MACC1: variants seen among roughly 807,000 people sequenced by gnomAD.
The protein encoded by MACC1 is metastasis-associated in colon cancer protein 1.
MACC1 carries 79 observed loss-of-function variants against 70.7 expected under a neutral mutation model. The ratio of observed to expected loss-of-function variants is 1.12; its 90% confidence interval spans 0.93 to 1.35. The LOEUF is 1.35. MACC1 is among the 40% of genes most tolerant of loss of function. The pLI is 0.00. For synonymous variants in MACC1, 361 were observed against 347.2 expected (o/e 1.04, Z -0.44); for missense variants, 1,106 against 978.1 (o/e 1.13, Z -1.74).
At chr7:20,174,286 C>G (rs941606374) in intron 1 of MACC1, among the ~76,000 whole-genome samples, 6 of 152,120 alleles carry the variant, frequency 3.9e-5, no homozygotes, top group African/African-American at 1.4e-4. Flanking sequence ...CCCCAATCAG[C>G]ATCTGGCAAA....
At position 20,140,736 on chromosome 7, in the gene MACC1, G is replaced by GA. The variant is rs138359838; in HGVS notation, c.*209dup. On this transcript the variant is annotated 3_prime_UTR_variant, in exon 7 of 7. Transcript: ENST00000400331. ...ATCAGTTAGGCTGTGCTTTCATCAG[G>GA]AAAAAAAAACTGGTTTTGAGCATGA... is the stretch of plus-strand genomic sequence containing the variant. 1,053 of 402,816 alleles carry GA rather than the reference G, an allele frequency of 2.6e-3. No homozygotes were observed. Among genetic ancestry groups the GA allele is most frequent in the South Asian group, 3.3e-3 (38 of 11,496 alleles). The allele number at this position is 402,816 out of a possible 1,614,324, so 25.0% of individuals were successfully genotyped here.
chr7:20,191,001 C>A (rs1268100282), intron 1 of MACC1, among the ~76,000 whole-genome samples: 2 of 152,180 alleles, frequency 1.3e-5, no homozygotes, highest in African/African-American at 4.8e-5. Flanking sequence ...CTGATATAAT[C>A]ACCATTCTGT....
intron 2 of MACC1, among the ~76,000 whole-genome samples, chr7:20,166,895 T>A (rs1782228557): frequency 6.6e-6 from 1 of 152,146 alleles, no homozygotes; most frequent in Non-Finnish European, 1.5e-5. Context: ...TGAGACTAAA[T>A]CAGGGATATA....
rs1273426546 is a variant in MACC1, at chr7:20,158,207, AATAAGTTC to A, written c.2146_2153del (p.Glu716CysfsTer37). On this transcript the variant is annotated frameshift_variant, in exon 5 of 7. Transcript: ENST00000400331. LOFTEE classifies it high-confidence loss of function. Reference sequence around the variant, plus strand: ...ACCATGATCAAGCAATACTCACCACAATAAGTTCATACAGAAACTTCCTTGTATTTCTC... The same window carrying A: ...ACCATGATCAAGCAATACTCACCACAATACAGAAACTTCCTTGTATTTCTC... 4 of 1,567,162 alleles carry A rather than the reference AATAAGTTC, an allele frequency of 2.6e-6. No homozygotes were observed. In the Admixed American group the frequency reaches 7.8e-5, roughly 31 times the overall value.
At chr7:20,178,159 TTA>T (rs1282686220) in intron 1 of MACC1, among the ~76,000 whole-genome samples, 2 of 152,128 alleles carry the variant, frequency 1.3e-5, no homozygotes, top group South Asian at 2.1e-4. Flanking sequence ...TAAATTTATT[TTA>T]TGTTTCTTAC....
intron 1 of MACC1, among the ~76,000 whole-genome samples, chr7:20,173,484 T>C (rs1782344082): frequency 6.6e-6 from 1 of 152,208 alleles, no homozygotes; most frequent in Non-Finnish European, 1.5e-5. Flanking sequence ...GGTCAATATC[T>C]TTGTCTTTTC....
chr7:20,172,171 T>A (rs1782318059), intron 1 of MACC1, among the ~76,000 whole-genome samples: 1 of 152,160 alleles, frequency 6.6e-6, no homozygotes. Flanking sequence ...ATAAGAGGCA[T>A]TGAGTCCAAC....
At chr7:20,185,122 A>T (rs981974593) in intron 1 of MACC1, 2 of 152,182 alleles carry the variant, frequency 1.3e-5, no homozygotes, top group Non-Finnish European at 2.9e-5. Context: ...TCTCTCTAAG[A>T]GGTAGAAAAA....
At chr7:20,191,566 G>T (rs746305435) in intron 1 of MACC1, among the ~76,000 whole-genome samples, 4 of 152,182 alleles carry the variant, frequency 2.6e-5, no homozygotes, top group African/African-American at 4.8e-5. Flanking sequence ...CTGGACAGGG[G>T]CTGGAACCAG....
In MACC1 at chr7:20,139,788, T is replaced by C. The variant is rs1416777439; in HGVS notation, c.*1158A>G. 1 of 151,914 alleles carries C rather than the reference T, an allele frequency of 6.6e-6. No homozygotes were observed. The highest frequency in any genetic ancestry group is 2.4e-5 in the African/African-American group (1 of 41,308). 9.4% of individuals were successfully genotyped at this position (151,914 alleles called of 1,614,324 possible). A position where few individuals can be genotyped will look rare whatever the true frequency, so the allele number is the denominator to read the frequency against. ...AGGGTCCTATACAATTTTTGTCCTA[T>C]ATAATCAATTAGGCTGTGCTTTATA... On this transcript the variant is annotated 3_prime_UTR_variant, in exon 7 of 7. Coordinates refer to ENST00000400331, the MANE Select transcript of MACC1 (RefSeq NM_182762.4).
intron 1 of MACC1, among the ~76,000 whole-genome samples, chr7:20,180,423 C>T (rs1782485055): frequency 7.6e-6 from 1 of 130,870 alleles, no homozygotes; most frequent in African/African-American, 2.9e-5. Flanking sequence ...AGCCTTGCGA[C>T]AAAGCAAGAC....
At chr7:20,143,863 G>A (rs1019178159) in intron 6 of MACC1, among the ~76,000 whole-genome samples, 8 of 152,110 alleles carry the variant, frequency 5.3e-5, no homozygotes, top group Admixed American at 1.3e-4. Context: ...GCCCTAAACC[G>A]ATTTGAGACT....
rs1271257172 is a variant in MACC1 at position 20,137,998 on chromosome 7, C to T, written c.*2948G>A. 1 of 151,514 alleles carries T rather than the reference C, an allele frequency of 6.6e-6. No individual in the cohort carries two copies. 9.4% of individuals were successfully genotyped at this position (151,514 alleles called of 1,614,324 possible). ...TAAAACCTTGTCTCCACTAAAAATA[C>T]AAAAATTACCCGGACAAGGTGGTGC... On this transcript the variant is annotated 3_prime_UTR_variant, in exon 7 of 7. Coordinates refer to ENST00000400331, the MANE Select transcript of MACC1 (RefSeq NM_182762.4).
At chr7:20,162,112 C>G (rs1782147706) in intron 3 of MACC1, among the ~76,000 whole-genome samples, 1 of 151,926 alleles carries the variant, frequency 6.6e-6, no homozygotes, top group South Asian at 2.1e-4. Flanking sequence ...TATTACTGAT[C>G]CCATATAAAA....
chr7:20,197,977 A>G (rs933899923), intron 1 of MACC1, among the ~76,000 whole-genome samples: 14 of 152,210 alleles, frequency 9.2e-5, no homozygotes, highest in Non-Finnish European at 7.3e-5. Flanking sequence ...CAACATGAAC[A>G]ATTTCAATGA....
intron 1 of MACC1, among the ~76,000 whole-genome samples, chr7:20,210,994 A>G (rs1782988781): frequency 6.6e-6 from 1 of 152,162 alleles, no homozygotes; most frequent in Non-Finnish European, 1.5e-5. Flanking sequence ...GTACAAATAT[A>G]GCACTTATTT....
chr7:20,208,392 T>C (rs927165838), intron 1 of MACC1, among the ~76,000 whole-genome samples: 15 of 152,066 alleles, frequency 9.9e-5, no homozygotes, highest in African/African-American at 3.4e-4. Flanking sequence ...AAAATGCTGA[T>C]AGTAATATGG....
chr7:20,183,300 G>A (rs900309609), intron 1 of MACC1, among the ~76,000 whole-genome samples: 1 of 152,212 alleles, frequency 6.6e-6, no homozygotes, highest in African/African-American at 2.4e-5. Context: ...GCCCCTGGCT[G>A]TAGTTGGCAA....
chr7:20,189,902 C>T (rs1450741924), intron 1 of MACC1, among the ~76,000 whole-genome samples: 1 of 152,010 alleles, frequency 6.6e-6, no homozygotes, highest in Non-Finnish European at 1.5e-5. Flanking sequence ...AATTTAAAGT[C>T]CAAGATCAGG....
Sources: allele counts gnomAD v4.1 joint callset (sites outside exome capture counted in the v4.1 genomes callset), GRCh38; gene constraint gnomAD v4.1.1; transcripts MANE v1.5; gene names NCBI Gene and HGNC (gene_info 2026-07-23, HGNC 2026-07-21).